Variants in ABCB10 observed in about 807,000 individuals in gnomAD.
ABCB10 encodes the protein ATP binding cassette subfamily B member 10.
In ABCB10, 54 loss-of-function variants were observed where a neutral mutation model predicts 65.4. The observed-to-expected ratio is 0.83, with a 90% CI of 0.66 to 1.04. The LOEUF is 1.04. ABCB10 is among the 50% of genes least tolerant of loss of function. The pLI, the probability that ABCB10 is intolerant of heterozygous loss-of-function variation, is 0.00. For missense variants in ABCB10, 846 were observed against 976.6 expected, an observed-to-expected ratio of 0.87 and a Z score of 1.78; for synonymous variants, 418 against 406.5, an observed-to-expected ratio of 1.03 and a Z score of -0.34.
rs138401798 is a variant in ABCB10 at position 229,521,698 on chromosome 1, T to C, written c.1907-63A>G. On this transcript the variant is annotated intron_variant, in intron 10 of 12. Transcript: ENST00000344517. ...AAAAAATCTTAGTAATAGGCTTTTATGATAAACCATATAGCAATTTGAAGG... is the reference window on the plus strand; with the variant it reads ...AAAAAATCTTAGTAATAGGCTTTTACGATAAACCATATAGCAATTTGAAGG... The C allele has an allele frequency of 1.5e-4, 236 of 1,576,086 alleles. 1 individual carries two copies. In the African/African-American group the frequency reaches 2.7e-3, roughly 18 times the overall value.
intron 3 of ABCB10, among the ~76,000 whole-genome samples, chr1:229,544,866 C>T (rs756751519): frequency 6.6e-6 from 1 of 152,186 alleles, no homozygotes; most frequent in African/African-American, 2.4e-5. Flanking sequence ...AGCTGCCTAC[C>T]AGCCAAGAGA....
At chr1:229,547,775 T>C (rs1391969058) in intron 2 of ABCB10, 74 bp from the exon 3 acceptor site, 6 of 1,462,446 alleles carry the variant, frequency 4.1e-6, no homozygotes, top group Non-Finnish European at 5.7e-6. Context: ...CCACTTACTG[T>C]GCAGCAGCTT....
Position 229,518,298 on chromosome 1 carries a change from T to A in ABCB10, c.2098A>T (p.Met700Leu). 6.2e-7 allele frequency: 1 copy of A among 1,614,202 alleles called. No individual in the cohort carries two copies. The highest frequency in any genetic ancestry group is 8.5e-7 in the Non-Finnish European group (1 of 1,180,036). Reference protein sequence around the residue: ...HRLSTIKNANMVAVLDQGKIT... With the variant: ...HRLSTIKNANLVAVLDQGKIT... ...TTTCCTTGGTCAAGAACAGCAACCA[T>A]ATTAGCATTCTTAATGGTGGACAGA... Residue 700 changes from methionine (M) to leucine (L), a missense_variant, in exon 13 of 13, where the codon ATG (methionine) becomes TTG (leucine). By Grantham distance (15) the Met-to-Leu change is conservative (BLOSUM62 2). This residue lies in a region of ABCB10 where 632 missense variants were observed against 803.2 expected (regional missense o/e 0.79). Coordinates refer to ENST00000344517, the MANE Select transcript of ABCB10 (RefSeq NM_012089.3).
chr1:229,527,773 C>T (rs1190335397), intron 8 of ABCB10, among the ~76,000 whole-genome samples: 2 of 152,214 alleles, frequency 1.3e-5, no homozygotes, highest in East Asian at 3.9e-4. Flanking sequence ...GCTTCCTGAC[C>T]ATGCCAGTGT....
intron 4 of ABCB10, 126 bp from the exon 5 acceptor site, chr1:229,540,878 G>A (rs577866861): frequency 1.7e-6 from 2 of 1,145,068 alleles, no homozygotes; most frequent in Admixed American, 3.0e-5. Context: ...AATAGTGATA[G>A]TAAGAAGTGA....
intron 10 of ABCB10, among the ~76,000 whole-genome samples, chr1:229,522,118 C>A (rs761904282): frequency 1.9e-4 from 29 of 152,302 alleles, no homozygotes; most frequent in Non-Finnish European, 3.8e-4. Flanking sequence ...CTCAGCCTCC[C>A]AAAGTGCTGG....
chr1:229,538,330 A>G (rs936010653), intron 6 of ABCB10, among the ~76,000 whole-genome samples: 8 of 152,174 alleles, frequency 5.3e-5, no homozygotes, highest in Non-Finnish European at 1.2e-4. Flanking sequence ...GGCAGAAAAC[A>G]TTAAGATGAG....
At chr1:229,538,337 T>C (rs775985260) in intron 6 of ABCB10, among the ~76,000 whole-genome samples, 33 of 151,758 alleles carry the variant, frequency 2.2e-4, no homozygotes, top group Non-Finnish European at 3.8e-4. Context: ...AACATTAAGA[T>C]GAGGGGAGGC....
chr1:229,554,997 A>G (rs917399121), intron 1 of ABCB10, among the ~76,000 whole-genome samples: 3 of 152,168 alleles, frequency 2.0e-5, no homozygotes, highest in Non-Finnish European at 4.4e-5. Context: ...ACCACACACC[A>G]GCCCCTTATC....
Position 229,558,350 on chromosome 1 carries a change from C to T in ABCB10, c.303G>A (p.Arg101=). 8.0e-7 allele frequency: 1 copy of T among 1,256,234 alleles called. No individual in the cohort carries two copies. Among genetic ancestry groups the T allele is most frequent in the Non-Finnish European group, 1.0e-6 (1 of 989,462 alleles). The allele number at this position is 1,256,234 out of a possible 1,614,324, so 77.8% of individuals were successfully genotyped here. The part of the protein sequence containing the change: ...GLWARGPGSC[R]CGAFAGPGAP... ...CGCCTGGCCCGGCAAAAGCCCCGCA[C>T]CTGCAGCTGCCGGGGCCGCGAGCCC... Residue 101 remains arginine (R), a synonymous_variant, in exon 1 of 13, where the codon AGG becomes AGA. Transcript: ENST00000344517.
At position 229,549,099 on chromosome 1, in the gene ABCB10, TCCC is replaced by T. The variant is rs760582923; in HGVS notation, c.718+132_718+134del. On this transcript the variant is annotated intron_variant, in intron 2 of 12. Transcript: ENST00000344517. ...ACATCTGGGCAGTCATTGGACTCTA[TCCC>T]CACTTAATGGGATGCCAGGAAGAGA... is the stretch of plus-strand genomic sequence containing the variant. The T allele has an allele frequency of 5.5e-5, 48 of 874,290 alleles. 2 individuals are homozygous for T. In the Middle Eastern group the frequency reaches 1.4e-3, roughly 26 times the overall value. The allele number at this position is 874,290 out of a possible 1,614,324, so 54.2% of individuals were successfully genotyped here. A position where few individuals can be genotyped will look rare whatever the true frequency, so the allele number is the denominator to read the frequency against.
Position 229,518,312 on chromosome 1 carries a change from A to G in ABCB10, c.2084T>C (p.Ile695Thr). The G allele has an allele frequency of 1.2e-6, 2 of 1,614,182 alleles. No homozygotes were observed. The highest frequency in any genetic ancestry group is 2.7e-5 in the African/African-American group (2 of 75,048). The stretch of plus-strand genomic sequence containing the variant: ...AACAGCAACCATATTAGCATTCTTA[A>G]TGGTGGACAGACGATGGGCAATAAC... ...VLVIAHRLST[I>T]KNANMVAVLD... The change falls in exon 13 of 13, where the codon ATT becomes ACT. Residue 695 changes from isoleucine to threonine, a missense_variant. This residue lies in a region of ABCB10 where 632 missense variants were observed against 803.2 expected (regional missense o/e 0.79). Transcript: ENST00000344517.
intron 1 of ABCB10, among the ~76,000 whole-genome samples, chr1:229,553,952 A>C (rs1663180949): frequency 6.6e-6 from 1 of 152,150 alleles, no homozygotes; most frequent in East Asian, 1.9e-4. Flanking sequence ...AGTACACAAG[A>C]AATATTAACT....
chr1:229,526,237 T>G lies in ABCB10; in HGVS notation c.1726-121A>C, dbSNP rs74705869. The G allele has an allele frequency of 2.2e-3, 2,235 of 1,033,888 alleles. 38 individuals are homozygous for G. The African/African-American group carries it at 0.033, about 15-fold the overall frequency. 64.0% of individuals were successfully genotyped at this position (1,033,888 alleles called of 1,614,324 possible). ...TTGCCATGAACAGGATTTTATCATC[T>G]GTAGTTCTCACCATGCTGCAAGCAA... On this transcript the variant is annotated intron_variant, in intron 9 of 12. Transcript: ENST00000344517.
rs1193038854 is a variant in ABCB10, at chr1:229,517,397, A to C, written c.*782T>G. The stretch of plus-strand genomic sequence containing the variant: ...TGCCTTCAAACAACTTAAATGCAAA[A>C]ATCATTCATTCTTAATAATACCTAG... On this transcript the variant is annotated 3_prime_UTR_variant, in exon 13 of 13. Transcript: ENST00000344517. 6.6e-6 allele frequency: 1 copy of C among 152,242 alleles called. No homozygotes were observed. The highest frequency in any genetic ancestry group is 1.5e-5 in the Non-Finnish European group (1 of 68,042). The allele number at this position is 152,242 out of a possible 1,614,324, so 9.4% of individuals were successfully genotyped here. A position where few individuals can be genotyped will look rare whatever the true frequency, so the allele number is the denominator to read the frequency against.
chr1:229,527,428 A>G, intron 8 of ABCB10, 120 bp from the exon 9 acceptor site: 1 of 849,340 alleles, frequency 1.2e-6, no homozygotes, highest in African/African-American at 1.7e-5. Flanking sequence ...TGTACTGAAA[A>G]TCTCCAGATG....
intron 1 of ABCB10, among the ~76,000 whole-genome samples, chr1:229,554,236 G>T (rs1663189130): frequency 6.6e-6 from 1 of 152,188 alleles, no homozygotes; most frequent in Non-Finnish European, 1.5e-5. Flanking sequence ...GGTAGAGAAT[G>T]AGTGAGGACA....
At chr1:229,529,524 G>T (rs1052978954) in intron 8 of ABCB10, among the ~76,000 whole-genome samples, 1 of 149,686 alleles carries the variant, frequency 6.7e-6, no homozygotes, top group Non-Finnish European at 1.5e-5. Flanking sequence ...CAAAAAATTA[G>T]CTGGGCGTGG....
At chr1:229,541,684 A>G (rs1003869568) in intron 4 of ABCB10, among the ~76,000 whole-genome samples, 1 of 152,082 alleles carries the variant, frequency 6.6e-6, no homozygotes, top group Non-Finnish European at 1.5e-5. Context: ...TCATGCCTGT[A>G]ATCCCAGCAC....
Sources: gnomAD v4.1 joint callset for allele counts (sites outside exome capture counted in the v4.1 genomes callset) on GRCh38, gnomAD v4.1.1 for gene constraint, gnomAD v4.1.1 regional missense constraint, MANE v1.5 for transcripts, NCBI Gene and HGNC (gene_info 2026-07-23, HGNC 2026-07-21) for gene names.